DERA: variants seen among roughly 807,000 people sequenced by gnomAD.
DERA encodes 2-deoxy-D-ribose 5-phosphate aldolase.
In DERA, 15 loss-of-function variants were observed where a neutral mutation model predicts 41.1. The observed-to-expected ratio is 0.37, with a 90% CI of 0.24 to 0.56. DERA has a LOEUF of 0.56. DERA is among the 20% of genes least tolerant of loss of function. The pLI, the probability that DERA is intolerant of heterozygous loss-of-function variation, is 0.81. For missense variants in DERA, 396 were observed against 403.4 expected (o/e 0.98, Z 0.16); for synonymous variants, 139 against 137.4 (o/e 1.01, Z -0.08).
At position 15,985,810 on chromosome 12, in the gene DERA, T is replaced by C. The variant is rs1220030074; in HGVS notation, c.637+3374T>C. Among the ~76,000 whole-genome samples, 1 of 152,202 alleles carries C rather than the reference T, an allele frequency of 6.6e-6. No individual in the cohort carries two copies. Among genetic ancestry groups the C allele is most frequent in the East Asian group, 1.9e-4 (1 of 5,204 alleles). ...CTCATTTTATGGTTGTATTTAGTTA[T>C]ATGCTTCAAGTGCACTTAAAAGAAT... On this transcript the variant is annotated intron_variant, in intron 6 of 8. Coordinates refer to ENST00000428559, the MANE Select transcript of DERA (RefSeq NM_015954.4). This position sits in a 1 kb window ranked among gnomAD's most constrained non-coding sequence, Gnocchi z 4.2.
Position 15,928,439 on chromosome 12 carries a change from T to C in DERA, c.31+17025T>C, listed in dbSNP as rs1473659681. 1.3e-5 allele frequency among the ~76,000 whole-genome samples: 2 copies of C among 152,244 alleles called. No individual in the cohort carries two copies. The highest frequency in any genetic ancestry group is 2.4e-5 in the African/African-American group (1 of 41,466). On this transcript the variant is annotated intron_variant, in intron 1 of 8. Transcript: ENST00000428559. The surrounding 1 kb of genome is among the most constrained non-coding windows in gnomAD (Gnocchi z 4.6). ...AAAGGATTACTTTAAATTTCAACTCTTTCTGTATTTGCATTTTGGACTATA... is the reference window on the plus strand; with the variant it reads ...AAAGGATTACTTTAAATTTCAACTCCTTCTGTATTTGCATTTTGGACTATA...
At position 15,911,397 on chromosome 12, in the gene DERA, A is replaced by G. The variant is rs1439849991; in HGVS notation, c.14A>G (p.Asn5Ser). Residue 5 changes from asparagine (N) to serine (S), a missense_variant, in exon 1 of 9, where the codon AAT becomes AGT. Asn to Ser is a conservative substitution (Grantham distance 46). Transcript: ENST00000428559. The surrounding 1 kb of genome is among the most constrained non-coding windows in gnomAD (Gnocchi z 4.5). Reference protein sequence around the residue: MSAHNRGTELDLSWI... With the variant: MSAHSRGTELDLSWI... Reference sequence around the variant, plus strand: ...GCTGCCCGCGCCATGTCCGCGCACAATCGGGGCACCGAGCTCGGTAAGGGG... The same window carrying G: ...GCTGCCCGCGCCATGTCCGCGCACAGTCGGGGCACCGAGCTCGGTAAGGGG... 16 of 1,405,764 alleles carry G rather than the reference A, an allele frequency of 1.1e-5. No individual in the cohort carries two copies. Among genetic ancestry groups the G allele is most frequent in the East Asian group, 8.7e-5 (3 of 34,342 alleles). 87.1% of individuals were successfully genotyped at this position (1,405,764 alleles called of 1,614,324 possible).
rs1412601330 is a variant in DERA at position 16,020,596 on chromosome 12, A to G, written c.638-11946A>G. On this transcript the variant is annotated intron_variant, in intron 6 of 8. Transcript: ENST00000428559. The surrounding 1 kb of genome is among the most constrained non-coding windows in gnomAD (Gnocchi z 5.5). ...GTGGGAGCAGCTTTGGAACTGGGTA[A>G]TGGAGAGGTTGGAAGAGTTTGGAGG... Among the ~76,000 whole-genome samples, 4 of 152,228 alleles carry G rather than the reference A, an allele frequency of 2.6e-5. No homozygotes were observed. The highest frequency in any genetic ancestry group is 5.9e-5 in the Non-Finnish European group (4 of 68,042).
rs1460510691 is a variant in DERA at position 16,020,237 on chromosome 12, G to GTGGAA, written c.638-12304_638-12300dup. Among the ~76,000 whole-genome samples, 1 of 152,202 alleles carries GTGGAA rather than the reference G, an allele frequency of 6.6e-6. No homozygotes were observed. The highest frequency in any genetic ancestry group is 1.5e-5 in the Non-Finnish European group (1 of 68,032). On this transcript the variant is annotated intron_variant, in intron 6 of 8. Transcript: ENST00000428559. The surrounding 1 kb of genome is among the most constrained non-coding windows in gnomAD (Gnocchi z 5.5). ...AGGCCTTAGGAAACTTTTAGTCATGGTGGAAGAGGAAGCAGGCATGTCTTA... is the reference window on the plus strand; with the variant it reads ...AGGCCTTAGGAAACTTTTAGTCATGGTGGAATGGAAGAGGAAGCAGGCATGTCTTA...
rs556620793 is a variant in DERA, at chr12:15,956,976, A to C, written c.72A>C (p.Ala24=). The C allele has an allele frequency of 1.2e-6, 2 of 1,614,004 alleles. No individual in the cohort carries two copies. Among genetic ancestry groups the C allele is most frequent in the African/African-American group, 1.3e-5 (1 of 75,058 alleles). Residue 24 remains alanine, a synonymous_variant, in exon 2 of 9, where the codon GCA becomes GCC. Transcript: ENST00000428559. The part of the protein sequence containing the change: ...WISKIQVNHP[A]VLRRAEQIQA... Reference sequence around the variant, plus strand: ...CCAAAATACAAGTGAATCACCCGGCAGTTCTGAGGCGTGCGGAACAAATCC... The same window carrying C: ...CCAAAATACAAGTGAATCACCCGGCCGTTCTGAGGCGTGCGGAACAAATCC...
chr12:15,913,865 T>C lies in DERA; in HGVS notation c.31+2451T>C, dbSNP rs1049268357. 9.9e-5 allele frequency among the ~76,000 whole-genome samples: 15 copies of C among 152,206 alleles called. No homozygotes were observed. The highest frequency in any genetic ancestry group is 3.6e-4 in the African/African-American group (15 of 41,440). On this transcript the variant is annotated intron_variant, in intron 1 of 8. Coordinates refer to ENST00000428559, the MANE Select transcript of DERA (RefSeq NM_015954.4). This position sits in a 1 kb window ranked among gnomAD's most constrained non-coding sequence, Gnocchi z 4.5. ...GGGTAGTACTGAAGCATACCCAAGT[T>C]TGAGAACCAATGGCTTAATGATCTC...
chr12:16,029,792 T>C (rs954416587), intron 6 of DERA, among the ~76,000 whole-genome samples: 4 of 152,030 alleles, frequency 2.6e-5, no homozygotes, highest in East Asian at 1.9e-4. Context: ...CTCCCAAATA[T>C]ATTAGAAAGA....
intron 1 of DERA, among the ~76,000 whole-genome samples, chr12:15,939,043 G>A (rs1948391384): frequency 6.6e-6 from 1 of 152,204 alleles, no homozygotes. Context: ...TATGGTAGAA[G>A]TGTTGCTCTA....
chr12:15,950,129 A>G (rs1474949388), intron 1 of DERA, among the ~76,000 whole-genome samples: 2 of 152,210 alleles, frequency 1.3e-5, no homozygotes, highest in African/African-American at 2.4e-5. Context: ...ATCTTGCACA[A>G]GAAAGAATTT....
intron 6 of DERA, among the ~76,000 whole-genome samples, chr12:16,018,191 A>C (rs193068122): frequency 1.4e-4 from 22 of 152,288 alleles, no homozygotes; most frequent in Admixed American, 7.8e-4. Context: ...TCTTAATACT[A>C]GTTTTTAATC....
chr12:15,912,669 A>T (rs1021973073), intron 1 of DERA, among the ~76,000 whole-genome samples: 1 of 152,174 alleles, frequency 6.6e-6, no homozygotes, highest in Non-Finnish European at 1.5e-5. Flanking sequence ...TTCAGTATAG[A>T]TAGTATTAGT....
At chr12:16,034,444 G>A (rs1035601858) in intron 7 of DERA, among the ~76,000 whole-genome samples, 4 of 152,006 alleles carry the variant, frequency 2.6e-5, no homozygotes, top group Admixed American at 6.6e-5. Flanking sequence ...TCTTTTCCTC[G>A]GTAATAAATA....
intron 1 of DERA, among the ~76,000 whole-genome samples, chr12:15,923,565 C>T (rs971154868): frequency 2.6e-5 from 4 of 152,156 alleles, no homozygotes; most frequent in African/African-American, 9.7e-5. Context: ...TGACTAGACA[C>T]ATTATATTTT....
intron 6 of DERA, among the ~76,000 whole-genome samples, chr12:15,987,230 C>CTTT (rs995016192): frequency 7.5e-4 from 64 of 85,356 alleles, no homozygotes; most frequent in Non-Finnish European, 8.0e-4. Flanking sequence ...TATATATGTA[C>CTTT]TTTTTTTTTT....
chr12:15,923,017 C>CTTTTTTTTTTT (rs1208644862), intron 1 of DERA, among the ~76,000 whole-genome samples: 1 of 104,428 alleles, frequency 9.6e-6, no homozygotes, highest in African/African-American at 3.6e-5. Context: ...TTTGTTTTTG[C>CTTTTTTTTTTT]TTTTTTTTTT....
rs1157843818 is a variant in DERA at position 16,012,176 on chromosome 12, A to T, written c.638-20366A>T. On this transcript the variant is annotated intron_variant, in intron 6 of 8. Transcript: ENST00000428559. This position sits in a 1 kb window ranked among gnomAD's most constrained non-coding sequence, Gnocchi z 4.1. ...GTTAAATGGATGTTGAAGGGTTGGG[A>T]AAGAGAGGAGTTGAGTTGAGCACAG... 6.6e-6 allele frequency among the ~76,000 whole-genome samples: 1 copy of T among 152,178 alleles called. No individual in the cohort carries two copies. Among genetic ancestry groups the T allele is most frequent in the African/African-American group, 2.4e-5 (1 of 41,444 alleles).
chr12:15,934,273 A>G (rs1204448356), intron 1 of DERA, among the ~76,000 whole-genome samples: 1 of 152,062 alleles, frequency 6.6e-6, no homozygotes, highest in Non-Finnish European at 1.5e-5. Context: ...GTTTGGATGT[A>G]TTAGAACTGT....
intron 1 of DERA, among the ~76,000 whole-genome samples, chr12:15,945,494 A>C: frequency 6.6e-6 from 1 of 152,132 alleles, no homozygotes; most frequent in Non-Finnish European, 1.5e-5. Flanking sequence ...TTGAAGCAAT[A>C]GTGAATGGGA....
At position 16,017,935 on chromosome 12, in the gene DERA, T is replaced by C. The variant is rs1438609858; in HGVS notation, c.638-14607T>C. ...AATCCTACTTTTCATTAGTGAAGTA[T>C]AAAATGTTAATAATACCTTCCACTG... On this transcript the variant is annotated intron_variant, in intron 6 of 8. Coordinates refer to ENST00000428559, the MANE Select transcript of DERA (RefSeq NM_015954.4). The surrounding 1 kb of genome is among the most constrained non-coding windows in gnomAD (Gnocchi z 5.5). Among the ~76,000 whole-genome samples, 2 of 152,178 alleles carry C rather than the reference T, an allele frequency of 1.3e-5. No homozygotes were observed. The highest frequency in any genetic ancestry group is 2.9e-5 in the Non-Finnish European group (2 of 68,022).
Sources: gnomAD v4.1 joint callset for allele counts (sites outside exome capture counted in the v4.1 genomes callset) on GRCh38, gnomAD v4.1.1 for gene constraint, Gnocchi (gnomAD v3.1) non-coding constraint, MANE v1.5 for transcripts, NCBI Gene and HGNC (gene_info 2026-07-23, HGNC 2026-07-21) for gene names.